Variants in LHFPL6 observed in about 807,000 individuals in gnomAD.
The protein encoded by LHFPL6 is LHFPL tetraspan subfamily member 6 protein.
LHFPL6 carries 9 observed loss-of-function variants against 20.6 expected under a neutral mutation model. The observed-to-expected ratio is 0.44, with a 90% CI of 0.26 to 0.76. The LOEUF is 0.76. LHFPL6 is among the 30% of genes least tolerant of loss of function. LHFPL6 has a pLI of 0.20. For missense variants in LHFPL6, 218 were observed against 253.5 expected (o/e 0.86, Z 0.95); for synonymous variants, 105 against 98.7 (o/e 1.06, Z -0.38).
intron 2 of LHFPL6, among the ~76,000 whole-genome samples, chr13:39,559,122 CG>C (rs1298088148): frequency 1.3e-5 from 2 of 152,160 alleles, no homozygotes; most frequent in Admixed American, 6.5e-5. Flanking sequence ...AGACAGCTGG[CG>C]GAAGTCTCAC....
At chr13:39,437,410 C>T (rs1390224929) in intron 2 of LHFPL6, among the ~76,000 whole-genome samples, 2 of 152,136 alleles carry the variant, frequency 1.3e-5, no homozygotes, top group Non-Finnish European at 2.9e-5. Flanking sequence ...TATAGCACCT[C>T]CCCACTCCCT....
chr13:39,397,334 T>A (rs1870869441), intron 2 of LHFPL6, among the ~76,000 whole-genome samples: 1 of 152,078 alleles, frequency 6.6e-6, no homozygotes, highest in Non-Finnish European at 1.5e-5. Context: ...ACCATCAATC[T>A]CTGTCTTACC....
At chr13:39,571,737 C>T (rs541626979) in intron 2 of LHFPL6, among the ~76,000 whole-genome samples, 11 of 152,238 alleles carry the variant, frequency 7.2e-5, no homozygotes, top group African/African-American at 2.2e-4. Context: ...CACCGCTGTC[C>T]GTGGACAGTG....
intron 2 of LHFPL6, among the ~76,000 whole-genome samples, chr13:39,501,009 C>A (rs1315102094): frequency 6.6e-6 from 1 of 152,200 alleles, no homozygotes; most frequent in Non-Finnish European, 1.5e-5. Flanking sequence ...ATTTCTAACA[C>A]ATTCCCAAGT....
chr13:39,575,389 T>C (rs17236046), intron 2 of LHFPL6, among the ~76,000 whole-genome samples: 12,508 of 152,274 alleles, frequency 0.082, 773 homozygotes, highest in Admixed American at 0.16. Flanking sequence ...TCCAGACTAC[T>C]AGCATTTCTT....
intron 2 of LHFPL6, among the ~76,000 whole-genome samples, chr13:39,381,887 G>C (rs1490996643): frequency 1.3e-5 from 2 of 151,348 alleles, no homozygotes; most frequent in African/African-American, 4.9e-5. Context: ...TACAGAAACA[G>C]ATGGATTGGT....
intron 2 of LHFPL6, among the ~76,000 whole-genome samples, chr13:39,388,037 G>C (rs1389217034): frequency 6.6e-6 from 1 of 152,156 alleles, no homozygotes; most frequent in Non-Finnish European, 1.5e-5. Context: ...GAGGTATAAA[G>C]ATGAGAAATG....
intron 2 of LHFPL6, among the ~76,000 whole-genome samples, chr13:39,460,018 G>A (rs1872653481): frequency 6.6e-6 from 1 of 151,918 alleles, no homozygotes; most frequent in Admixed American, 6.6e-5. Context: ...AAAGATATAT[G>A]TCTTTGTATC....
chr13:39,527,345 C>T (rs1179581010), intron 2 of LHFPL6, among the ~76,000 whole-genome samples: 1 of 152,084 alleles, frequency 6.6e-6, no homozygotes, highest in African/African-American at 2.4e-5. Context: ...CTTCAACTAA[C>T]ATCAAGAAAA....
intron 2 of LHFPL6, among the ~76,000 whole-genome samples, chr13:39,451,730 AG>A (rs888315343): frequency 2.6e-5 from 4 of 152,256 alleles, no homozygotes; most frequent in Middle Eastern, 3.2e-3. Flanking sequence ...AGTCTCATAA[AG>A]TAGGTTGAGC....
At chr13:39,380,900 T>C (rs1164935642) in intron 2 of LHFPL6, among the ~76,000 whole-genome samples, 1 of 150,318 alleles carries the variant, frequency 6.7e-6, no homozygotes, top group Non-Finnish European at 1.5e-5. Flanking sequence ...TCTGTCACTG[T>C]CTCCCATCAC....
At chr13:39,412,975 T>G (rs188236111) in intron 2 of LHFPL6, among the ~76,000 whole-genome samples, 1 of 151,638 alleles carries the variant, frequency 6.6e-6, no homozygotes, top group African/African-American at 2.4e-5. Context: ...CCTGAACCCA[T>G]GTCTAGCACC....
chr13:39,357,867 C>T (rs1214711888), intron 3 of LHFPL6, among the ~76,000 whole-genome samples: 2 of 152,018 alleles, frequency 1.3e-5, no homozygotes, highest in East Asian at 1.9e-4. Context: ...AACGGAAAAA[C>T]ATTCCATGCT....
intron 2 of LHFPL6, among the ~76,000 whole-genome samples, chr13:39,439,367 T>A (rs561123094): frequency 2.0e-5 from 3 of 152,318 alleles, no homozygotes; most frequent in African/African-American, 7.2e-5. Flanking sequence ...AGGGAGTAAC[T>A]AACTTGTTTT....
chr13:39,575,836 G>T (rs534182522), intron 2 of LHFPL6, among the ~76,000 whole-genome samples: 2 of 152,252 alleles, frequency 1.3e-5, no homozygotes, highest in African/African-American at 4.8e-5. Context: ...ACTCTAGCCT[G>T]CTCCTATCTT....
chr13:39,470,367 G>C (rs1872912076), intron 2 of LHFPL6, among the ~76,000 whole-genome samples: 1 of 151,694 alleles, frequency 6.6e-6, no homozygotes, highest in Non-Finnish European at 1.5e-5. Flanking sequence ...ATTCATTCTT[G>C]GTTCATTTTT....
At chr13:39,578,302 G>A (rs150071184) in intron 2 of LHFPL6, among the ~76,000 whole-genome samples, 160 of 152,204 alleles carry the variant, frequency 1.1e-3, no homozygotes, top group African/African-American at 3.7e-3. Context: ...CAACAGCCGC[G>A]GACTACCTCA....
At chr13:39,582,266 T>C (rs1240082730) in intron 2 of LHFPL6, among the ~76,000 whole-genome samples, 1 of 152,224 alleles carries the variant, frequency 6.6e-6, no homozygotes, top group Admixed American at 6.5e-5. Context: ...GCATTTCTCA[T>C]CCCATCTTTC....
intron 2 of LHFPL6, among the ~76,000 whole-genome samples, chr13:39,480,402 C>T (rs1193975562): frequency 6.6e-6 from 1 of 152,116 alleles, no homozygotes; most frequent in Non-Finnish European, 1.5e-5. Context: ...GCATCTATTA[C>T]TAAATTCCTC....
Sources: gnomAD v4.1 joint callset for allele counts (sites outside exome capture counted in the v4.1 genomes callset) on GRCh38, gnomAD v4.1.1 for gene constraint, MANE v1.5 for transcripts, NCBI Gene and HGNC (gene_info 2026-07-23, HGNC 2026-07-21) for gene names.